Variants in TTC7A observed in about 807,000 individuals in gnomAD.
TTC7A encodes the protein tetratricopeptide repeat domain 7A.
In TTC7A, 110 loss-of-function variants were observed where a neutral mutation model predicts 103.7. The ratio of observed to expected loss-of-function variants is 1.06; its 90% CI spans 0.91 to 1.24. The LOEUF (loss-of-function observed/expected upper bound fraction) is 1.24, where lower values mean the gene tolerates loss of function less well. Ranked by LOEUF, TTC7A falls within the 50% of genes most tolerant of loss-of-function variation. TTC7A has a pLI of 0.00. For synonymous variants in TTC7A, 521 were observed against 467.9 expected (o/e 1.11, Z -1.47); for missense variants, 1,340 against 1,116.3 (o/e 1.20, Z -2.86).
At chr2:46,966,153 TAGTC>T (rs1208293357) in intron 3 of TTC7A, among the ~76,000 whole-genome samples, 2 of 152,188 alleles carry the variant, frequency 1.3e-5, no homozygotes, top group Admixed American at 6.5e-5. Flanking sequence ...TTCTCCATGT[TAGTC>T]AGGCTGGTCT....
intron 19 of TTC7A, among the ~76,000 whole-genome samples, chr2:47,069,382 A>T (rs1441717230): frequency 7.2e-5 from 11 of 152,080 alleles, no homozygotes; most frequent in Admixed American, 7.2e-4. Context: ...CTTGTAAAGG[A>T]CCCCAGAAGA....
At chr2:47,043,687 C>T (rs1244701549) in intron 15 of TTC7A, among the ~76,000 whole-genome samples, 1 of 152,162 alleles carries the variant, frequency 6.6e-6, no homozygotes, top group African/African-American at 2.4e-5. Flanking sequence ...AATCTGGATC[C>T]TCCCAGGATC....
chr2:46,991,909 A>G lies in TTC7A; in HGVS notation c.765-1541A>G, dbSNP rs1675671084. 2.0e-5 allele frequency among the ~76,000 whole-genome samples: 3 copies of G among 152,180 alleles called. No homozygotes were observed. In the South Asian group the frequency reaches 6.2e-4, roughly 31 times the overall value. On this transcript the variant is annotated intron_variant, in intron 5 of 19. Transcript: ENST00000319190. ...GGAGTCTCCATTCTCAACTCTGAAG[A>G]CAAGGGTCCATCTTGCTTGCGTGTC...
intron 3 of TTC7A, among the ~76,000 whole-genome samples, chr2:46,963,719 G>A (rs1444733843): frequency 6.7e-6 from 1 of 150,312 alleles, no homozygotes; most frequent in East Asian, 1.9e-4. Flanking sequence ...CATGGCATCA[G>A]GCATAGCTGA....
chr2:46,922,907 C>G (rs1669180664), intron 2 of TTC7A, among the ~76,000 whole-genome samples: 1 of 152,216 alleles, frequency 6.6e-6, no homozygotes, highest in Non-Finnish European at 1.5e-5. Flanking sequence ...CCACCAGTCG[C>G]AAGTCCAAGG....
chr2:46,997,513 T>TG (rs1676331284), intron 8 of TTC7A, among the ~76,000 whole-genome samples: 1 of 152,194 alleles, frequency 6.6e-6, no homozygotes, highest in African/African-American at 2.4e-5. Flanking sequence ...TGTTCCCATC[T>TG]TACAGATGAC....
In TTC7A at chr2:46,956,979, G is replaced by A; in HGVS notation, c.489G>A (p.Arg163=). 1.2e-6 allele frequency: 2 copies of A among 1,614,158 alleles called. No individual in the cohort carries two copies. The highest frequency in any genetic ancestry group is 1.7e-6 in the Non-Finnish European group (2 of 1,180,002). ...AGAACAAGCCCCTGTATCAGATGCGGCTGCTGTCGGAGGCTTTTGTCATCA... is the reference window on the plus strand; with the variant it reads ...AGAACAAGCCCCTGTATCAGATGCGACTGCTGTCGGAGGCTTTTGTCATCA... ...SMENKPLYQM[R]LLSEAFVIKG... The change falls in exon 3 of 20, where the codon CGG becomes CGA. Residue 163 remains arginine (R), a synonymous_variant. Coordinates refer to ENST00000319190, the MANE Select transcript of TTC7A (RefSeq NM_020458.4).
In TTC7A at chr2:46,941,386, C is replaced by A; in HGVS notation, c.-156C>A. 1.8e-6 allele frequency: 1 copy of A among 550,778 alleles called. No individual in the cohort carries two copies. Among genetic ancestry groups the A allele is most frequent in the Non-Finnish European group, 2.5e-6 (1 of 395,420 alleles). 34.1% of individuals were successfully genotyped at this position (550,778 alleles called of 1,614,324 possible). ...CTGGTGCTGCTGCTGCTGCTGCTGC[C>A]CACCCTCCGCCGCCCGGGCCCCCGC... On this transcript the variant is annotated 5_prime_UTR_variant, in exon 1 of 20. Coordinates refer to ENST00000319190, the MANE Select transcript of TTC7A (RefSeq NM_020458.4). The surrounding 1 kb of genome is among the most constrained non-coding windows in gnomAD (Gnocchi z 4.2).
At chr2:47,037,491 G>T (rs1418706354) in intron 15 of TTC7A, among the ~76,000 whole-genome samples, 1 of 152,204 alleles carries the variant, frequency 6.6e-6, no homozygotes, top group East Asian at 1.9e-4. Context: ...CAGCACCCCT[G>T]TTTTGAAGAT....
intron 19 of TTC7A, among the ~76,000 whole-genome samples, chr2:47,063,208 C>A (rs1413721044): frequency 6.6e-6 from 1 of 152,220 alleles, no homozygotes; most frequent in Admixed American, 6.5e-5. Flanking sequence ...ACACATTTAA[C>A]TTGCATGCTC....
chr2:47,041,493 C>T (rs902899980), intron 15 of TTC7A, among the ~76,000 whole-genome samples: 3 of 152,182 alleles, frequency 2.0e-5, no homozygotes, highest in Non-Finnish European at 4.4e-5. Flanking sequence ...TGGCTCAAGC[C>T]TGTAATCCCA....
chr2:47,008,978 C>T (rs909869298), intron 10 of TTC7A, among the ~76,000 whole-genome samples: 6 of 150,638 alleles, frequency 4.0e-5, no homozygotes, highest in Admixed American at 6.6e-5. Context: ...TTTTGGTGTA[C>T]GTGGGGGTGG....
chr2:47,059,099 A>G (rs1343449933), intron 18 of TTC7A, among the ~76,000 whole-genome samples: 1 of 140,432 alleles, frequency 7.1e-6, no homozygotes, highest in Non-Finnish European at 1.5e-5. Context: ...GCAGCTCACC[A>G]CAACCTCCGC....
At chr2:46,980,216 C>CTTTTTTTTTTTT (rs5830931) in intron 5 of TTC7A, among the ~76,000 whole-genome samples, 1 of 124,154 alleles carries the variant, frequency 8.1e-6, no homozygotes. Flanking sequence ...TACTCTCTCT[C>CTTTTTTTTTTTT]TTTTTTTTTT....
At chr2:46,966,485 C>T (rs1172141374) in intron 3 of TTC7A, among the ~76,000 whole-genome samples, 3 of 152,172 alleles carry the variant, frequency 2.0e-5, no homozygotes, top group East Asian at 3.9e-4. Context: ...TTTCATGAGT[C>T]ATTTTTCAAT....
chr2:46,967,267 T>C (rs903508078), intron 3 of TTC7A, among the ~76,000 whole-genome samples: 1 of 152,192 alleles, frequency 6.6e-6, no homozygotes, highest in African/African-American at 2.4e-5. Flanking sequence ...TTAACCACTT[T>C]TAAGCGTACA....
chr2:46,962,318 T>C lies in TTC7A; in HGVS notation c.517+5311T>C, dbSNP rs182489997. 4.7e-4 allele frequency among the ~76,000 whole-genome samples: 72 copies of C among 152,278 alleles called. 2 individuals are homozygous for C. The East Asian group carries it at 0.014, about 29-fold the overall frequency. ...TCCCTTGGTTGTTCAGCCTGCAACA[T>C]CGTCTCCCTCCTCCCAGCTCACTTG... On this transcript the variant is annotated intron_variant, in intron 3 of 19. Coordinates refer to ENST00000319190, the MANE Select transcript of TTC7A (RefSeq NM_020458.4).
intron 8 of TTC7A, among the ~76,000 whole-genome samples, chr2:47,000,673 G>C (rs112767504): frequency 2.6e-5 from 4 of 152,168 alleles, no homozygotes; most frequent in African/African-American, 9.7e-5. Context: ...CCAGGGAGGG[G>C]GCAGGTGCTG....
chr2:46,950,406 G>A lies in TTC7A; in HGVS notation c.228G>A (p.Gln76=). Residue 76 remains glutamine (Q), a synonymous_variant, in exon 2 of 20, where the codon CAG becomes CAA. Transcript: ENST00000319190. ...TGCTGGCTGAGGCCCTCCTGGAGCA[G>A]TGTTTGAAGGAGAACCATGCCAAAA... ...KLLLAEALLE[Q]CLKENHAKIK... is the part of the protein sequence containing the mutation. The A allele has an allele frequency of 1.2e-6, 2 of 1,614,192 alleles. No individual in the cohort carries two copies. Among genetic ancestry groups the A allele is most frequent in the East Asian group, 2.2e-5 (1 of 44,890 alleles).
Sources: gnomAD v4.1 joint callset for allele counts (sites outside exome capture counted in the v4.1 genomes callset) on GRCh38, gnomAD v4.1.1 for gene constraint, Gnocchi (gnomAD v3.1) non-coding constraint, MANE v1.5 for transcripts, NCBI Gene and HGNC (gene_info 2026-07-23, HGNC 2026-07-21) for gene names.